ASTE1: variants seen among roughly 807,000 people sequenced by gnomAD.
ASTE1 encodes the protein asteroid structure-specific endonuclease 1.
A neutral mutation model predicts 45.8 loss-of-function variants in ASTE1; 49 were observed. The observed-to-expected ratio is 1.07, with a 90% CI of 0.85 to 1.36. The LOEUF (loss-of-function observed/expected upper bound fraction) is 1.36, where lower values mean the gene tolerates loss of function less well. ASTE1 is among the 40% of genes most tolerant of loss of function. The probability of loss-of-function intolerance (pLI) is 0.00; values close to 1 mark genes in which losing one functional copy is unlikely to be tolerated. For missense variants in ASTE1, 709 were observed against 804.0 expected, an observed-to-expected ratio of 0.88 and a Z score of 1.43; for synonymous variants, 296 against 303.9, an observed-to-expected ratio of 0.97 and a Z score of 0.27.
At chr3:131,015,364 C>G in intron 5 of ASTE1, 2 of 612,278 alleles carry the variant, frequency 3.3e-6, no homozygotes, top group Non-Finnish European at 5.8e-6. Context: ...ATCTCTCCCT[C>G]AAGTACCTCC....
At position 131,026,558 on chromosome 3, in the gene ASTE1, C is replaced by A. The variant is rs1204789458; in HGVS notation, c.-198G>T. 6.6e-6 allele frequency: 1 copy of A among 152,346 alleles called. No homozygotes were observed. The highest frequency in any genetic ancestry group is 2.1e-4 in the South Asian group (1 of 4,820). The allele number at this position is 152,346 out of a possible 1,614,324, so 9.4% of individuals were successfully genotyped here. A position where few individuals can be genotyped will look rare whatever the true frequency, so the allele number is the denominator to read the frequency against. ...CCATCAGAAGCCCGCTAGAGCCCAG[C>A]GAGGACTGGCTCCTGCACGTGAGAG... On this transcript the variant is annotated 5_prime_UTR_variant, in exon 1 of 6. Coordinates refer to ENST00000264992, the MANE Select transcript of ASTE1 (RefSeq NM_014065.4).
chr3:131,019,590 G>T (rs1335097941), intron 3 of ASTE1, among the ~76,000 whole-genome samples: 1 of 152,208 alleles, frequency 6.6e-6, no homozygotes, highest in Admixed American at 6.5e-5. Flanking sequence ...AATATTAAAA[G>T]GTCATCTTCT....
Position 131,024,622 on chromosome 3 carries a change from G to C in ASTE1, c.685C>G (p.Leu229Val). The C allele has an allele frequency of 6.2e-7, 1 of 1,605,152 alleles. No homozygotes were observed. Among genetic ancestry groups the C allele is most frequent in the Non-Finnish European group, 8.5e-7 (1 of 1,175,252 alleles). Residue 229 changes from leucine (L) to valine (V), a missense_variant, in exon 3 of 6, where the codon CTA becomes GTA. Coordinates refer to ENST00000264992, the MANE Select transcript of ASTE1 (RefSeq NM_014065.4). ...CTTAAGAATGTCTCCATGATGGGTAGATTAACATGGTCATTTCCACATAGC... is the reference window on the plus strand; with the variant it reads ...CTTAAGAATGTCTCCATGATGGGTACATTAACATGGTCATTTCCACATAGC... ...AVLCGNDHVN[L>V]PIMETFLSKA...
rs1184769671 is a variant in ASTE1 at position 131,026,646 on chromosome 3, G to C, written c.-286C>G. ...TGACGTCTCTGGGAAGTACAGTTCC[G>C]TGATGCCGGTGGCGCCAGACTGAGC... On this transcript the variant is annotated 5_prime_UTR_variant, in exon 1 of 6. Coordinates refer to ENST00000264992, the MANE Select transcript of ASTE1 (RefSeq NM_014065.4). 1.3e-5 allele frequency: 2 copies of C among 152,474 alleles called. No homozygotes were observed. The highest frequency in any genetic ancestry group is 2.9e-5 in the Non-Finnish European group (2 of 68,148). 9.4% of individuals were successfully genotyped at this position (152,474 alleles called of 1,614,324 possible).
At chr3:131,022,577 C>T (rs1233811338) in intron 3 of ASTE1, among the ~76,000 whole-genome samples, 2 of 151,946 alleles carry the variant, frequency 1.3e-5, no homozygotes, top group Non-Finnish European at 2.9e-5. Flanking sequence ...CCCACTTTGG[C>T]CTTCCAAAGT....
chr3:131,016,807 A>C (rs1213492185), intron 4 of ASTE1: 2 of 380,590 alleles, frequency 5.3e-6, no homozygotes, highest in Non-Finnish European at 9.6e-6. Context: ...CTAAAGTATG[A>C]CTTGGAGAAT....
rs1020504532 is a variant in ASTE1, at chr3:131,026,550, G to C, written c.-190C>G. On this transcript the variant is annotated 5_prime_UTR_variant, in exon 1 of 6. Coordinates refer to ENST00000264992, the MANE Select transcript of ASTE1 (RefSeq NM_014065.4). Reference sequence around the variant, plus strand: ...TAGCTCCTCCATCAGAAGCCCGCTAGAGCCCAGCGAGGACTGGCTCCTGCA... The same window carrying C: ...TAGCTCCTCCATCAGAAGCCCGCTACAGCCCAGCGAGGACTGGCTCCTGCA... 2 of 152,294 alleles carry C rather than the reference G, an allele frequency of 1.3e-5. No homozygotes were observed. The highest frequency in any genetic ancestry group is 2.9e-5 in the Non-Finnish European group (2 of 68,134). 9.4% of individuals were successfully genotyped at this position (152,294 alleles called of 1,614,324 possible). A position where few individuals can be genotyped will look rare whatever the true frequency, so the allele number is the denominator to read the frequency against.
chr3:131,021,455 GAAAGAATTCATTTCTAAAGTAATAATTC>G (rs2063741301), intron 3 of ASTE1, among the ~76,000 whole-genome samples: 1 of 152,206 alleles, frequency 6.6e-6, no homozygotes, highest in Admixed American at 6.5e-5. Context: ...AAAGCCAGAT[GAAAGAATTCATTTCTAAAGTAATAATTC>G]AGTTAAAACT....
Position 131,023,988 on chromosome 3 carries a change from G to A in ASTE1, c.1302+17C>T. The A allele has an allele frequency of 3.2e-6, 5 of 1,554,326 alleles. No homozygotes were observed. Among genetic ancestry groups the A allele is most frequent in the Non-Finnish European group, 4.3e-6 (5 of 1,151,496 alleles). On this transcript the variant is annotated intron_variant, in intron 3 of 5. Transcript: ENST00000264992. ...AAAGTACTTTACAAAAATTTCATTA[G>A]TATTACAAATACTTACCTCAGTCAA...
In ASTE1 at chr3:131,024,429, C is replaced by G; in HGVS notation, c.878G>C (p.Cys293Ser). ...CTGTTGGTATTCTTCCATGGAACAG[C>G]AGAGAAGTTCCTTAACATTTTCTCG... The part of the protein sequence containing the change: ...KDRENVKELL[C>S]CSMEEYQQSQ... The change falls in exon 3 of 6, where the codon TGC becomes TCC. Residue 293 changes from cysteine (C) to serine (S), a missense_variant. By Grantham distance (112) the Cys-to-Ser change is moderately radical. Transcript: ENST00000264992. The G allele has an allele frequency of 1.2e-6, 2 of 1,614,226 alleles. No homozygotes were observed. The highest frequency in any genetic ancestry group is 1.7e-6 in the Non-Finnish European group (2 of 1,180,038).
At chr3:131,020,665 T>C (rs1301730972) in intron 3 of ASTE1, among the ~76,000 whole-genome samples, 1 of 152,258 alleles carries the variant, frequency 6.6e-6, no homozygotes, top group Non-Finnish European at 1.5e-5. Context: ...ACAAGGTTTC[T>C]ATACTTGTAC....
intron 4 of ASTE1, chr3:131,016,941 C>T: frequency 8.1e-7 from 1 of 1,229,928 alleles, no homozygotes; most frequent in South Asian, 1.3e-5. Context: ...GGCAGGGGTG[C>T]ACAAAATAAC....
chr3:131,019,238 A>G (rs1304113177), intron 3 of ASTE1, among the ~76,000 whole-genome samples: 1 of 152,186 alleles, frequency 6.6e-6, no homozygotes, highest in Non-Finnish European at 1.5e-5. Flanking sequence ...TAGGAACCCT[A>G]TGTGGCATAT....
chr3:131,024,468 A>G lies in ASTE1; in HGVS notation c.839T>C (p.Leu280Pro), dbSNP rs925180963. The G allele has an allele frequency of 1.3e-5, 21 of 1,613,984 alleles. No individual in the cohort carries two copies. The highest frequency in any genetic ancestry group is 1.7e-5 in the Non-Finnish European group (20 of 1,180,012). The change falls in exon 3 of 6, where the codon CTC becomes CCC. Residue 280 changes from leucine to proline, a missense_variant. Leu to Pro is a moderately conservative substitution (Grantham distance 98). Transcript: ENST00000264992. ...TEALDNVLKY[L>P]PKKDRENVKE... ...AACATTTTCTCGATCCTTTTTTGGG[A>G]GGTATTTCAGAACATTATCTAGTGC... is the stretch of plus-strand genomic sequence containing the variant.
At chr3:131,021,981 C>A (rs541778094) in intron 3 of ASTE1, among the ~76,000 whole-genome samples, 1 of 152,276 alleles carries the variant, frequency 6.6e-6, no homozygotes, top group East Asian at 1.9e-4. Flanking sequence ...TTGTTTGAGA[C>A]TGACTTACGC....
Position 131,014,037 on chromosome 3 carries a change from A to G in ASTE1, c.*20T>C, listed in dbSNP as rs1404478839. On this transcript the variant is annotated 3_prime_UTR_variant, in exon 6 of 6. Coordinates refer to ENST00000264992, the MANE Select transcript of ASTE1 (RefSeq NM_014065.4). ...AGTAAGGATTATATTAAATACATCT[A>G]GTTTGATGCAAACTGAGTTTTATTC... 6.7e-7 allele frequency: 1 copy of G among 1,494,170 alleles called. No homozygotes were observed. Among genetic ancestry groups the G allele is most frequent in the Non-Finnish European group, 9.0e-7 (1 of 1,105,114 alleles). 92.6% of individuals were successfully genotyped at this position (1,494,170 alleles called of 1,614,324 possible).
At position 131,021,678 on chromosome 3, in the gene ASTE1, CA is replaced by C. The variant is rs200229143; in HGVS notation, c.1302+2326del. ...TTGGGCACTTTACTGTGTTTATACTCAAGGAAGCATGAATTGCAAAGGAACA... is the reference window on the plus strand; with the variant it reads ...TTGGGCACTTTACTGTGTTTATACTCAGGAAGCATGAATTGCAAAGGAACA... On this transcript the variant is annotated intron_variant, in intron 3 of 5. Coordinates refer to ENST00000264992, the MANE Select transcript of ASTE1 (RefSeq NM_014065.4). 9.1e-3 allele frequency among the ~76,000 whole-genome samples: 1,384 copies of C among 152,154 alleles called. 19 individuals are homozygous for C. Among genetic ancestry groups the C allele is most frequent in the African/African-American group, 0.031 (1,271 of 41,484 alleles).
rs763709345 is a variant in ASTE1 at position 131,018,649 on chromosome 3, G to C, written c.1370C>G (p.Pro457Arg). 6.2e-7 allele frequency: 1 copy of C among 1,614,054 alleles called. No homozygotes were observed. Among genetic ancestry groups the C allele is most frequent in the African/African-American group, 1.3e-5 (1 of 74,988 alleles). ...TLKVKQTILEPIPTSLKLPIA... is the reference protein window; with the variant it reads ...TLKVKQTILERIPTSLKLPIA... Reference sequence around the variant, plus strand: ...GGGCAACTTCAGTGAAGTAGGGATTGGCTCCAGAATGGTCTGTTTCACCTT... The same window carrying C: ...GGGCAACTTCAGTGAAGTAGGGATTCGCTCCAGAATGGTCTGTTTCACCTT... Residue 457 changes from proline (P) to arginine (R), a missense_variant, in exon 4 of 6, where the codon CCA becomes CGA. Coordinates refer to ENST00000264992, the MANE Select transcript of ASTE1 (RefSeq NM_014065.4).
Position 131,026,549 on chromosome 3 carries a change from A to G in ASTE1, c.-189T>C, listed in dbSNP as rs1210636266. ...GTAGCTCCTCCATCAGAAGCCCGCT[A>G]GAGCCCAGCGAGGACTGGCTCCTGC... On this transcript the variant is annotated 5_prime_UTR_variant, in exon 1 of 6. Coordinates refer to ENST00000264992, the MANE Select transcript of ASTE1 (RefSeq NM_014065.4). 2 of 152,328 alleles carry G rather than the reference A, an allele frequency of 1.3e-5. No homozygotes were observed. The highest frequency in any genetic ancestry group is 4.8e-5 in the African/African-American group (2 of 41,452). 9.4% of individuals were successfully genotyped at this position (152,328 alleles called of 1,614,324 possible).
Sources: gnomAD v4.1 joint callset for allele counts (sites outside exome capture counted in the v4.1 genomes callset) on GRCh38, gnomAD v4.1.1 for gene constraint, MANE v1.5 for transcripts, NCBI Gene and HGNC (gene_info 2026-07-23, HGNC 2026-07-21) for gene names.